ARID2: variants seen among roughly 807,000 people sequenced by gnomAD.
ARID2 encodes the protein AT-rich interactive domain-containing protein 2.
ARID2 carries 32 observed loss-of-function variants against 184.6 expected under a neutral mutation model. The observed-to-expected ratio is 0.17, with a 90% confidence interval of 0.13 to 0.23. The LOEUF is 0.23. Ranked by LOEUF, ARID2 falls within the 10% of genes least tolerant of loss-of-function variation. The pLI is 1.00. For missense variants in ARID2, 1,696 were observed against 2,197.6 expected, an observed-to-expected ratio of 0.77 and a Z score of 4.56; for synonymous variants, 836 against 772.6, an observed-to-expected ratio of 1.08 and a Z score of -1.36.
intron 3 of ARID2, among the ~76,000 whole-genome samples, chr12:45,784,536 G>T (rs1305089117): frequency 1.3e-5 from 2 of 152,048 alleles, no homozygotes; most frequent in East Asian, 3.9e-4. Flanking sequence ...AAATTAGCTG[G>T]GTATGGTCCC....
At chr12:45,775,129 A>G (rs1027078428) in intron 3 of ARID2, among the ~76,000 whole-genome samples, 1 of 152,168 alleles carries the variant, frequency 6.6e-6, no homozygotes, top group African/African-American at 2.4e-5. Flanking sequence ...CGTTCATCCT[A>G]TGAGCCATGA....
chr12:45,763,672 G>A (rs1592061337), intron 3 of ARID2, among the ~76,000 whole-genome samples: 1 of 151,428 alleles, frequency 6.6e-6, no homozygotes, highest in African/African-American at 2.4e-5. Flanking sequence ...AAATTTTTTT[G>A]TAGACACAGG....
At chr12:45,867,704 C>G (rs181687955) in intron 16 of ARID2, among the ~76,000 whole-genome samples, 2 of 150,612 alleles carry the variant, frequency 1.3e-5, no homozygotes, top group East Asian at 3.9e-4. Context: ...GATCGCGCCA[C>G]TGCACTCTAG....
At chr12:45,817,930 A>G in intron 5 of ARID2, 42 bp downstream of exon 5, 1 of 1,499,872 alleles carries the variant, frequency 6.7e-7, no homozygotes, top group African/African-American at 1.4e-5. Flanking sequence ...CTTCTGTAAA[A>G]GTTTTTTTTT....
chr12:45,886,347 C>G (rs1944190025), intron 16 of ARID2, among the ~76,000 whole-genome samples: 1 of 152,234 alleles, frequency 6.6e-6, no homozygotes, highest in Admixed American at 6.5e-5. Context: ...CCTTGCGCAG[C>G]TCCACCCCTG....
chr12:45,886,323 G>A (rs906900983), intron 16 of ARID2, among the ~76,000 whole-genome samples: 7 of 152,214 alleles, frequency 4.6e-5, no homozygotes, highest in African/African-American at 1.7e-4. Flanking sequence ...GATGCACGAG[G>A]TGGGCTCCTA....
intron 3 of ARID2, among the ~76,000 whole-genome samples, chr12:45,794,284 G>A (rs191863736): frequency 7.2e-5 from 11 of 152,284 alleles, no homozygotes. Context: ...CACAATTTTA[G>A]GGATGGAATA....
intron 3 of ARID2, among the ~76,000 whole-genome samples, chr12:45,766,424 T>C (rs1368062255): frequency 6.6e-6 from 1 of 152,172 alleles, no homozygotes; most frequent in Non-Finnish European, 1.5e-5. Flanking sequence ...TGCCTTGGCC[T>C]CCCAAAGTGT....
intron 3 of ARID2, among the ~76,000 whole-genome samples, chr12:45,776,802 T>G (rs1941990669): frequency 7.0e-6 from 1 of 143,306 alleles, no homozygotes; most frequent in Non-Finnish European, 1.5e-5. Context: ...TTTTTTTTTT[T>G]GAGACAGTCT....
chr12:45,779,784 G>A (rs1334856595), intron 3 of ARID2, among the ~76,000 whole-genome samples: 1 of 151,870 alleles, frequency 6.6e-6, no homozygotes, highest in Non-Finnish European at 1.5e-5. Flanking sequence ...AGCTTTAAAA[G>A]CAAGAGAAAA....
chr12:45,804,480 G>A (rs965692410), intron 3 of ARID2, among the ~76,000 whole-genome samples: 5 of 151,360 alleles, frequency 3.3e-5, no homozygotes, highest in Admixed American at 6.6e-5. Flanking sequence ...TAGTGTGTGC[G>A]TGTGTGTGCG....
At chr12:45,806,595 T>A (rs1942605934) in intron 3 of ARID2, among the ~76,000 whole-genome samples, 1 of 152,216 alleles carries the variant, frequency 6.6e-6, no homozygotes, top group Admixed American at 6.5e-5. Context: ...TCAGGCTTAC[T>A]TTGTACATTA....
At chr12:45,807,905 A>G (rs1942630982) in intron 3 of ARID2, among the ~76,000 whole-genome samples, 1 of 152,132 alleles carries the variant, frequency 6.6e-6, no homozygotes, top group South Asian at 2.1e-4. Context: ...AGTCACTGTA[A>G]TAGTGCTGAT....
chr12:45,852,535 C>T lies in ARID2; in HGVS notation c.4412C>T (p.Pro1471Leu), dbSNP rs2138179524. ...CAACGCCCAAGTGTAGTTGTCTCAC[C>T]ACATTCTACAACCTCTGTTATACAG... is the stretch of plus-strand genomic sequence containing the variant. ...PQQRPSVVVS[P>L]HSTTSVIQGH... Residue 1471 changes from proline (P) to leucine (L), a missense_variant, in exon 15 of 21, where the codon CCA (proline) becomes CTA (leucine). By Grantham distance (98) the Pro-to-Leu change is moderately conservative. Transcript: ENST00000334344. 5 of 1,614,142 alleles carry T rather than the reference C, an allele frequency of 3.1e-6. No individual in the cohort carries two copies. Among genetic ancestry groups the T allele is most frequent in the Non-Finnish European group, 4.2e-6 (5 of 1,180,016 alleles).
chr12:45,825,735 A>G (rs73097319), intron 6 of ARID2, among the ~76,000 whole-genome samples: 22,572 of 152,070 alleles, frequency 0.15, 2,028 homozygotes, highest in Admixed American at 0.21. Context: ...ATCGTGGTGC[A>G]TGATTGTAGT....
chr12:45,799,763 AT>A (rs1182308614), intron 3 of ARID2, among the ~76,000 whole-genome samples: 1 of 152,226 alleles, frequency 6.6e-6, no homozygotes, highest in African/African-American at 2.4e-5. Flanking sequence ...ACCAAAAGAT[AT>A]AGAAAACAAA....
At chr12:45,856,004 T>C (rs914424814) in intron 15 of ARID2, among the ~76,000 whole-genome samples, 82 of 152,014 alleles carry the variant, frequency 5.4e-4, no homozygotes, top group African/African-American at 1.9e-3. Context: ...GTGCTGAGAT[T>C]ATAGGTGTGA....
chr12:45,881,668 AC>A, intron 16 of ARID2: 1 of 169,124 alleles, frequency 5.9e-6, no homozygotes, highest in Non-Finnish European at 1.3e-5. Context: ...TCTTCACTTA[AC>A]CACTGTGTTC....
chr12:45,809,090 A>C (rs1169414524), intron 3 of ARID2, among the ~76,000 whole-genome samples: 1 of 152,132 alleles, frequency 6.6e-6, no homozygotes, highest in Admixed American at 6.5e-5. Flanking sequence ...TTTTAAATCT[A>C]CTGTACTAAA....
Sources: gnomAD v4.1 joint callset for allele counts (sites outside exome capture counted in the v4.1 genomes callset) on GRCh38, gnomAD v4.1.1 for gene constraint, MANE v1.5 for transcripts, NCBI Gene and HGNC (gene_info 2026-07-23, HGNC 2026-07-21) for gene names.